The following ENTPD1 variants were observed in gnomAD, a reference collection of about 807,000 sequenced individuals.
The protein encoded by ENTPD1 is ATP diphosphohydrolase.
ENTPD1 carries 33 observed loss-of-function variants against 57.0 expected under a neutral mutation model. The ratio of observed to expected loss-of-function variants is 0.58; its 90% CI spans 0.44 to 0.77. The LOEUF (loss-of-function observed/expected upper bound fraction) is 0.77. Ranked by LOEUF, ENTPD1 falls within the 30% of genes least tolerant of loss-of-function variation. ENTPD1 has a pLI of 0.00. For missense variants in ENTPD1, 501 were observed against 603.4 expected, an observed-to-expected ratio of 0.83 and a Z score of 1.78; for synonymous variants, 202 against 218.8, an observed-to-expected ratio of 0.92 and a Z score of 0.68.
intron 7 of ENTPD1, among the ~76,000 whole-genome samples, chr10:95,856,671 T>TATATATATATATATATACAC (rs571622251): frequency 4.1e-5 from 6 of 146,780 alleles, no homozygotes; most frequent in Non-Finnish European, 7.5e-5. Flanking sequence ...TATATATATA[T>TATATATATATATATATACAC]ACACACACAT....
the ENTPD1 span, among the ~76,000 whole-genome samples, chr10:95,703,652 GGC>G: frequency 6.6e-6 from 1 of 151,480 alleles, no homozygotes; most frequent in Non-Finnish European, 1.5e-5. Context: ...CGTGGTGGCA[GGC>G]GCCTGTAATC....
chr10:95,776,092 A>C (rs2098132838), intron 1 of ENTPD1, among the ~76,000 whole-genome samples: 2 of 152,214 alleles, frequency 1.3e-5, no homozygotes, highest in African/African-American at 4.8e-5. Flanking sequence ...GACTATATCC[A>C]ATTTGCCAGT....
chr10:95,861,362 G>T (rs2098465023), intron 8 of ENTPD1: 1 of 152,240 alleles, frequency 6.6e-6, no homozygotes, highest in Non-Finnish European at 1.5e-5. Context: ...GGGATGAGAG[G>T]TATGGAATCC....
chr10:95,798,660 T>C (rs377570291), intron 1 of ENTPD1, among the ~76,000 whole-genome samples: 28 of 152,350 alleles, frequency 1.8e-4, no homozygotes, highest in East Asian at 1.5e-3. Flanking sequence ...CATTAACTCA[T>C]GTGTTCCCCA....
rs1403679985 is a variant in ENTPD1 at position 95,778,632 on chromosome 10, C to G, written c.16+22377C>G. ...TCTTTTAACCTTTTTGTTAAAATTT[C>G]TTATTTTGGTTATTACTGTTTAAAT... On this transcript the variant is annotated intron_variant, in intron 1 of 9. Coordinates refer to ENST00000371205, the MANE Select transcript of ENTPD1 (RefSeq NM_001776.6). Among the ~76,000 whole-genome samples the G allele has an allele frequency of 3.3e-5, 5 of 151,958 alleles. No homozygotes were observed. The East Asian group carries it at 9.6e-4, about 29-fold the overall frequency.
intron 1 of ENTPD1, among the ~76,000 whole-genome samples, chr10:95,712,562 C>T (rs2139807678): frequency 6.6e-6 from 1 of 152,290 alleles, no homozygotes. Context: ...ATGTCAAGCT[C>T]TCAGGGGAGT....
chr10:95,857,201 C>G (rs1362848676), intron 7 of ENTPD1, among the ~76,000 whole-genome samples: 1 of 152,046 alleles, frequency 6.6e-6, no homozygotes, highest in African/African-American at 2.4e-5. Context: ...GTGGCATGGA[C>G]CAGGAGGCCC....
In ENTPD1 at chr10:95,770,068, A is replaced by G. The variant is rs149527133; in HGVS notation, c.16+13813A>G. Among the ~76,000 whole-genome samples, 379 of 151,796 alleles carry G rather than the reference A, an allele frequency of 2.5e-3. 6 individuals carry two copies. Among genetic ancestry groups the G allele is most frequent in the East Asian group, 4.7e-3 (24 of 5,138 alleles). On this transcript the variant is annotated intron_variant, in intron 1 of 9. Coordinates refer to ENST00000371205, the MANE Select transcript of ENTPD1 (RefSeq NM_001776.6). ...TGGACTTGAGATACAAATTTAGGTC[A>G]TCAGATGGTGTTTAAACTGAGTGAG... is the stretch of plus-strand genomic sequence containing the variant.
intron 1 of ENTPD1, among the ~76,000 whole-genome samples, chr10:95,726,460 T>C (rs2097983764): frequency 2.6e-5 from 4 of 152,230 alleles, no homozygotes; most frequent in Admixed American, 2.6e-4. Context: ...AGGGTATATA[T>C]GCTGGTGATA....
At chr10:95,828,952 C>T in intron 2 of ENTPD1, among the ~76,000 whole-genome samples, 1 of 152,138 alleles carries the variant, frequency 6.6e-6, no homozygotes, top group East Asian at 1.9e-4. Flanking sequence ...CTCAGTTGAT[C>T]TGCCCGCCTC....
chr10:95,837,136 G>C (rs2098411788), intron 2 of ENTPD1, among the ~76,000 whole-genome samples: 1 of 152,208 alleles, frequency 6.6e-6, no homozygotes, highest in African/African-American at 2.4e-5. Flanking sequence ...AGGCCTTAGA[G>C]AAAACAAGCT....
chr10:95,816,414 G>A (rs1238330817), intron 1 of ENTPD1, among the ~76,000 whole-genome samples: 1 of 152,124 alleles, frequency 6.6e-6, no homozygotes, highest in Admixed American at 6.5e-5. Flanking sequence ...AATTATAATA[G>A]TGACTGTGAG....
the ENTPD1 span, among the ~76,000 whole-genome samples, chr10:95,695,459 C>T: frequency 3.9e-5 from 6 of 152,218 alleles, no homozygotes; most frequent in African/African-American, 1.2e-4. Flanking sequence ...ACAAGTGAAT[C>T]ATTTAACTCA....
At chr10:95,736,164 C>G (rs535502728) in intron 1 of ENTPD1, among the ~76,000 whole-genome samples, 1 of 152,070 alleles carries the variant, frequency 6.6e-6, no homozygotes, top group East Asian at 1.9e-4. Flanking sequence ...CCATGCTAGG[C>G]TAATTTTTGT....
chr10:95,857,709 G>A (rs1030677723), intron 7 of ENTPD1, among the ~76,000 whole-genome samples: 8 of 152,124 alleles, frequency 5.3e-5, no homozygotes, highest in African/African-American at 1.9e-4. Flanking sequence ...ACTTATTTAC[G>A]GAGCACTCAC....
rs1195272265 is a variant in ENTPD1 at position 95,871,321 on chromosome 10, T to TA, written c.*4944dup. On this transcript the variant is annotated 3_prime_UTR_variant, in exon 10 of 10. Transcript: ENST00000371205. Reference sequence around the variant, plus strand: ...TATCTCACCAAAGAAATATTATCTTTAAAAAATGTCATTACTTCTAAGACA... The same window carrying TA: ...TATCTCACCAAAGAAATATTATCTTTAAAAAAATGTCATTACTTCTAAGACA... The TA allele has an allele frequency of 1.0e-6, 1 of 985,172 alleles. No homozygotes were observed. Among genetic ancestry groups the TA allele is most frequent in the Non-Finnish European group, 1.2e-6 (1 of 829,772 alleles). 61.0% of individuals were successfully genotyped at this position (985,172 alleles called of 1,614,324 possible).
chr10:95,842,456 C>A lies in ENTPD1; in HGVS notation c.375C>A (p.Pro125=). The A allele has an allele frequency of 6.2e-7, 1 of 1,613,950 alleles. No individual in the cohort carries two copies. Among genetic ancestry groups the A allele is most frequent in the Non-Finnish European group, 8.5e-7 (1 of 1,179,992 alleles). ...VIPRSQHQET[P]VYLGATAGMR... is the part of the protein sequence containing the mutation. ...CAAGGTCCCAGCACCAAGAGACACC[C>A]GTTTACCTGGGAGCCACGGCAGGCA... Residue 125 remains proline (P), a synonymous_variant, in exon 4 of 10, where the codon CCC becomes CCA. Transcript: ENST00000371205.
At chr10:95,740,556 T>A (rs1463929627) in intron 1 of ENTPD1, among the ~76,000 whole-genome samples, 1 of 152,210 alleles carries the variant, frequency 6.6e-6, no homozygotes, top group African/African-American at 2.4e-5. Context: ...TGAAGCCAGG[T>A]ATTGACTTCT....
At chr10:95,774,293 T>G (rs1314015423) in intron 1 of ENTPD1, among the ~76,000 whole-genome samples, 1 of 152,238 alleles carries the variant, frequency 6.6e-6, no homozygotes, top group Non-Finnish European at 1.5e-5. Flanking sequence ...CTGTTCACTC[T>G]GATGGTAGTT....
Sources: gnomAD v4.1 joint callset for allele counts (sites outside exome capture counted in the v4.1 genomes callset) on GRCh38, gnomAD v4.1.1 for gene constraint, MANE v1.5 for transcripts, NCBI Gene and HGNC (gene_info 2026-07-23, HGNC 2026-07-21) for gene names.